ANTXR1: variants seen among roughly 807,000 people sequenced by gnomAD.
ANTXR1 encodes the protein ANTXR cell adhesion molecule 1, also known as anthrax toxin receptor 1.
A neutral mutation model predicts 78.1 loss-of-function variants in ANTXR1; 19 were observed. The observed-to-expected ratio is 0.24, with a 90% CI of 0.17 to 0.36. The LOEUF (loss-of-function observed/expected upper bound fraction) is 0.36. Among genes scored for constraint, ANTXR1 ranks in the 10% least tolerant of loss-of-function variants. The pLI is 1.00. For missense variants in ANTXR1, 518 were observed against 718.6 expected, an observed-to-expected ratio of 0.72 and a Z score of 3.19; for synonymous variants, 273 against 260.5, an observed-to-expected ratio of 1.05 and a Z score of -0.46.
chr2:69,029,277 T>C lies in ANTXR1; in HGVS notation c.153-10767T>C, dbSNP rs888142811. Among the ~76,000 whole-genome samples, 15 of 149,996 alleles carry C rather than the reference T, an allele frequency of 1.0e-4. No homozygotes were observed. In the South Asian group the frequency reaches 3.1e-3, roughly 31 times the overall value. ...AGAGAAAAGTAGGTCAAAGACTAGA[T>C]CCAGGATATCTAATATCTAATATAT... On this transcript the variant is annotated intron_variant, in intron 1 of 17. Coordinates refer to ENST00000303714, the MANE Select transcript of ANTXR1 (RefSeq NM_032208.3).
chr2:69,185,336 T>A (rs1319399527), intron 16 of ANTXR1, among the ~76,000 whole-genome samples: 2 of 152,002 alleles, frequency 1.3e-5, no homozygotes, highest in African/African-American at 4.8e-5. Context: ...GTCAGGAGTT[T>A]GAGACCAGCC....
intron 17 of ANTXR1, among the ~76,000 whole-genome samples, chr2:69,200,231 G>A (rs1266284582): frequency 6.6e-6 from 1 of 152,194 alleles, no homozygotes; most frequent in Non-Finnish European, 1.5e-5. Flanking sequence ...CTCAGGGCTT[G>A]TTTTGCAAGC....
chr2:69,202,773 G>A (rs1311157760), intron 17 of ANTXR1, among the ~76,000 whole-genome samples: 1 of 152,124 alleles, frequency 6.6e-6, no homozygotes, highest in East Asian at 1.9e-4. Flanking sequence ...TGGAGCTCCT[G>A]GAAACAGCCA....
intron 12 of ANTXR1, among the ~76,000 whole-genome samples, chr2:69,147,835 G>T (rs367983161): frequency 6.6e-6 from 1 of 152,146 alleles, no homozygotes; most frequent in Non-Finnish European, 1.5e-5. Flanking sequence ...CCTGCAAAAG[G>T]GGGTAACAGT....
intron 1 of ANTXR1, among the ~76,000 whole-genome samples, chr2:69,016,235 T>G (rs1671021463): frequency 6.6e-6 from 1 of 152,194 alleles, no homozygotes; most frequent in Non-Finnish European, 1.5e-5. Flanking sequence ...AGGAAGTGAA[T>G]TTTTAATTTT....
At chr2:69,162,999 G>A (rs1673724992) in intron 13 of ANTXR1, among the ~76,000 whole-genome samples, 2 of 152,030 alleles carry the variant, frequency 1.3e-5, no homozygotes, top group Admixed American at 6.5e-5. Flanking sequence ...CCAACCTAAC[G>A]CTAAAAAATA....
At chr2:69,152,032 C>A in intron 12 of ANTXR1, 137 bp from the exon 13 acceptor site, 1 of 828,450 alleles carries the variant, frequency 1.2e-6, no homozygotes, top group Non-Finnish European at 2.0e-6. Context: ...GAATGATGGG[C>A]AGAGTTTCAA....
intron 17 of ANTXR1, 55 bp from the exon 18 acceptor site, chr2:69,245,170 A>AG (rs1378847321): frequency 1.9e-5 from 30 of 1,606,782 alleles, no homozygotes; most frequent in Non-Finnish European, 2.4e-5. Flanking sequence ...ACAGCACCAC[A>AG]GGCCCTGATG....
chr2:69,111,799 T>TGAACCC (rs1671989554), intron 10 of ANTXR1, among the ~76,000 whole-genome samples: 1 of 152,198 alleles, frequency 6.6e-6, no homozygotes, highest in South Asian at 2.1e-4. Flanking sequence ...GGGTGTTGTT[T>TGAACCC]TCAAAAACAT....
chr2:69,208,080 T>C (rs550404943), intron 17 of ANTXR1, among the ~76,000 whole-genome samples: 2 of 152,274 alleles, frequency 1.3e-5, no homozygotes, highest in Admixed American at 6.5e-5. Context: ...TCAGAGGAAA[T>C]TGTGTCAAAA....
chr2:69,196,715 G>A (rs936569810), intron 17 of ANTXR1, among the ~76,000 whole-genome samples: 5 of 152,144 alleles, frequency 3.3e-5, no homozygotes, highest in Admixed American at 6.5e-5. Flanking sequence ...TCATGAACAA[G>A]AGTCACAGGT....
At chr2:69,021,011 A>T (rs1285977122) in intron 1 of ANTXR1, among the ~76,000 whole-genome samples, 2 of 152,214 alleles carry the variant, frequency 1.3e-5, no homozygotes. Context: ...AGAGGACTCT[A>T]GGCAGCCAGA....
At position 69,182,688 on chromosome 2, in the gene ANTXR1, C is replaced by T. The variant is rs371237680; in HGVS notation, c.1353+28C>T. 20 of 1,613,838 alleles carry T rather than the reference C, an allele frequency of 1.2e-5. No homozygotes were observed. The African/African-American group carries it at 2.7e-4, about 22-fold the overall frequency. ...GTGTCTCTTTACTCAAAAAATCTAT[C>T]ATCAGTCCTGATAAAACACTTACAT... On this transcript the variant is annotated intron_variant, in intron 16 of 17. Transcript: ENST00000303714.
At chr2:69,046,440 G>A (rs986247168) in intron 3 of ANTXR1, among the ~76,000 whole-genome samples, 4 of 152,288 alleles carry the variant, frequency 2.6e-5, no homozygotes, top group Non-Finnish European at 4.4e-5. Flanking sequence ...GTACCTTAAC[G>A]TCACTACTGC....
At chr2:69,068,008 C>T (rs1272283703) in intron 3 of ANTXR1, among the ~76,000 whole-genome samples, 1 of 152,230 alleles carries the variant, frequency 6.6e-6, no homozygotes, top group Non-Finnish European at 1.5e-5. Flanking sequence ...CCAGACTTGT[C>T]AATGACCAGA....
chr2:69,215,311 C>T (rs902629437), intron 17 of ANTXR1, among the ~76,000 whole-genome samples: 4 of 152,218 alleles, frequency 2.6e-5, no homozygotes, highest in Non-Finnish European at 5.9e-5. Flanking sequence ...ATACATCCTT[C>T]GCCCTACCCA....
chr2:69,166,038 G>A (rs549923100), intron 13 of ANTXR1, among the ~76,000 whole-genome samples: 1 of 152,244 alleles, frequency 6.6e-6, no homozygotes, highest in Non-Finnish European at 1.5e-5. Context: ...CATGAAACAG[G>A]CCCTGAGAAC....
At chr2:69,039,653 T>A in intron 1 of ANTXR1, among the ~76,000 whole-genome samples, 1 of 152,200 alleles carries the variant, frequency 6.6e-6, no homozygotes, top group South Asian at 2.1e-4. Context: ...TGTGCTAATT[T>A]CATTTAAATG....
intron 17 of ANTXR1, among the ~76,000 whole-genome samples, chr2:69,238,305 C>T (rs1246605638): frequency 6.6e-6 from 1 of 152,212 alleles, no homozygotes; most frequent in African/African-American, 2.4e-5. Flanking sequence ...TGTCTGTCTT[C>T]ACCTCTAGAC....
Sources: allele counts gnomAD v4.1 joint callset (sites outside exome capture counted in the v4.1 genomes callset), GRCh38; gene constraint gnomAD v4.1.1; transcripts MANE v1.5; gene names NCBI Gene and HGNC (gene_info 2026-07-23, HGNC 2026-07-21).